Variants in PHF21A observed in about 807,000 individuals in gnomAD.
PHF21A encodes PHD finger protein 21A.
PHF21A carries 11 observed loss-of-function variants against 82.5 expected under a neutral mutation model. The ratio of observed to expected loss-of-function variants is 0.13; its 90% CI spans 0.08 to 0.22. PHF21A has a LOEUF of 0.22. Among genes scored for constraint, PHF21A ranks in the 10% least tolerant of loss-of-function variants. The probability of loss-of-function intolerance (pLI) is 1.00; values close to 1 mark genes in which losing one functional copy is unlikely to be tolerated. For missense variants in PHF21A, 579 were observed against 837.8 expected (o/e 0.69, Z 3.81); for synonymous variants, 297 against 302.8 (o/e 0.98, Z 0.20).
rs923194821 is a variant in PHF21A at position 46,059,421 on chromosome 11, A to AT, written c.153+17332dup. Among the ~76,000 whole-genome samples, 44 of 152,040 alleles carry AT rather than the reference A, an allele frequency of 2.9e-4. No homozygotes were observed. In the East Asian group the frequency reaches 3.5e-3, roughly 12 times the overall value. On this transcript the variant is annotated intron_variant, in intron 6 of 18. Coordinates refer to ENST00000676320, the MANE Select transcript of PHF21A (RefSeq NM_001352027.3). ...AATAATAAGTACAATACCAATCTCA[A>AT]TTTTTTTTATTTATTTATTTTTAAA...
chr11:45,999,745 A>G (rs2095052280), intron 6 of PHF21A, among the ~76,000 whole-genome samples: 1 of 152,258 alleles, frequency 6.6e-6, no homozygotes, highest in South Asian at 2.1e-4. Flanking sequence ...ATGACAAAGC[A>G]CAGAGATGAT....
intron 6 of PHF21A, among the ~76,000 whole-genome samples, chr11:45,993,238 T>C (rs1271834345): frequency 6.6e-6 from 1 of 152,234 alleles, no homozygotes; most frequent in Non-Finnish European, 1.5e-5. Flanking sequence ...TGAAAAATGA[T>C]GGTACTATTT....
chr11:46,049,521 CAGA>C (rs1219777197), intron 6 of PHF21A: 2 of 455,648 alleles, frequency 4.4e-6, no homozygotes, highest in African/African-American at 4.0e-5. Flanking sequence ...AGAAGAAAAA[CAGA>C]AGGTCAGGTA....
chr11:45,980,315 T>G (rs985029895), intron 6 of PHF21A, among the ~76,000 whole-genome samples: 2 of 152,196 alleles, frequency 1.3e-5, no homozygotes, highest in Non-Finnish European at 2.9e-5. Context: ...CCATCCTACT[T>G]CAACTCCAAT....
intron 6 of PHF21A, among the ~76,000 whole-genome samples, chr11:45,986,339 T>G (rs916590403): frequency 5.0e-4 from 76 of 152,290 alleles, no homozygotes; most frequent in African/African-American, 1.7e-3. Context: ...AGACTAATAT[T>G]GATATAGTCA....
At chr11:46,110,180 T>C (rs1323300597) in intron 1 of PHF21A, among the ~76,000 whole-genome samples, 2 of 152,134 alleles carry the variant, frequency 1.3e-5, no homozygotes, top group Non-Finnish European at 2.9e-5. Context: ...CATTCATGAG[T>C]ATTATCTTAT....
chr11:45,942,497 C>T (rs1480352946), intron 15 of PHF21A, among the ~76,000 whole-genome samples: 2 of 152,130 alleles, frequency 1.3e-5, no homozygotes, highest in African/African-American at 4.8e-5. Flanking sequence ...CAATCTTTGG[C>T]GCTAGCAAAC....
At chr11:45,969,474 A>G (rs1019913490) in intron 9 of PHF21A, among the ~76,000 whole-genome samples, 8 of 152,228 alleles carry the variant, frequency 5.3e-5, no homozygotes, top group Non-Finnish European at 1.2e-4. Context: ...TTTGGCATGT[A>G]GGAAAGAAAT....
At chr11:46,019,994 T>TA (rs1209318470) in intron 6 of PHF21A, among the ~76,000 whole-genome samples, 2 of 146,164 alleles carry the variant, frequency 1.4e-5, no homozygotes, top group African/African-American at 5.2e-5. Flanking sequence ...TTTTGACTCT[T>TA]TTTTTTTTTA....
intron 7 of PHF21A, among the ~76,000 whole-genome samples, chr11:45,978,072 C>T (rs753240794): frequency 2.0e-5 from 3 of 151,940 alleles, no homozygotes; most frequent in South Asian, 2.1e-4. Flanking sequence ...GAGGCCGAGG[C>T]GGGCAGACCA....
intron 6 of PHF21A, among the ~76,000 whole-genome samples, chr11:46,075,637 T>C (rs1057496246): frequency 5.3e-5 from 8 of 152,192 alleles, no homozygotes; most frequent in African/African-American, 2.4e-5. Context: ...CTCCTGTCTG[T>C]GGAGAAGACA....
chr11:45,971,905 T>TTTTTTTTTTTTTTTTTTTTA lies in PHF21A; in HGVS notation c.361-539_361-538insTAAAAAAAAAAAAAAAAAAA, dbSNP rs1452859819. On this transcript the variant is annotated intron_variant, in intron 7 of 18. Coordinates refer to ENST00000676320, the MANE Select transcript of PHF21A (RefSeq NM_001352027.3). ...CTTTTTCTTTCTTTTTTTTTTTTTT[T>TTTTTTTTTTTTTTTTTTTTA]ATGGTGTCACCCTGGAGAGAAGGAA... is the stretch of plus-strand genomic sequence containing the variant. Among the ~76,000 whole-genome samples the TTTTTTTTTTTTTTTTTTTTA allele has an allele frequency of 2.4e-4, 22 of 89,928 alleles. 4 individuals are homozygous for TTTTTTTTTTTTTTTTTTTTA. The East Asian group carries it at 6.0e-3, about 24-fold the overall frequency. 59.0% of individuals were successfully genotyped at this position (89,928 alleles called of 152,430 possible). A position where few individuals can be genotyped will look rare whatever the true frequency, so the allele number is the denominator to read the frequency against.
chr11:46,067,338 G>C (rs1220386450), intron 6 of PHF21A, among the ~76,000 whole-genome samples: 1 of 152,074 alleles, frequency 6.6e-6, no homozygotes, highest in Non-Finnish European at 1.5e-5. Flanking sequence ...ATGGGGAGGC[G>C]GGCATGAGTG....
At chr11:45,988,077 A>AAGCCCCTATCATTTTATGGAAC (rs2094557222) in intron 6 of PHF21A, among the ~76,000 whole-genome samples, 1 of 152,190 alleles carries the variant, frequency 6.6e-6, no homozygotes. Context: ...AACAAAACCA[A>AAGCCCCTATCATTTTATGGAAC]AGCCCCTATC....
chr11:46,015,066 T>C (rs1051970241), intron 6 of PHF21A, among the ~76,000 whole-genome samples: 7 of 152,050 alleles, frequency 4.6e-5, no homozygotes, highest in Non-Finnish European at 1.0e-4. Flanking sequence ...GTGGTATCAC[T>C]GTGCTTTTGA....
chr11:46,078,271 C>T (rs1409552187), intron 5 of PHF21A, among the ~76,000 whole-genome samples: 2 of 152,060 alleles, frequency 1.3e-5, no homozygotes, highest in African/African-American at 4.8e-5. Context: ...TTTTTTACTT[C>T]CAAAAATCAA....
At chr11:46,086,868 T>G (rs1318542406) in intron 3 of PHF21A, among the ~76,000 whole-genome samples, 1 of 152,210 alleles carries the variant, frequency 6.6e-6, no homozygotes, top group African/African-American at 2.4e-5. Flanking sequence ...TAATACAGTT[T>G]ATATATTTAG....
intron 10 of PHF21A, among the ~76,000 whole-genome samples, chr11:45,964,554 G>A (rs1217021368): frequency 6.6e-6 from 1 of 152,180 alleles, no homozygotes; most frequent in Admixed American, 6.5e-5. Flanking sequence ...GAAATAGGTC[G>A]ATGACTTTTT....
intron 6 of PHF21A, among the ~76,000 whole-genome samples, chr11:46,032,035 C>T (rs2095876117): frequency 6.6e-6 from 1 of 152,108 alleles, no homozygotes; most frequent in African/African-American, 2.4e-5. Context: ...ACAGTCAAAG[C>T]CCAACTCTTA....
Sources: allele counts gnomAD v4.1 joint callset (sites outside exome capture counted in the v4.1 genomes callset), GRCh38; gene constraint gnomAD v4.1.1; transcripts MANE v1.5; gene names NCBI Gene and HGNC (gene_info 2026-07-23, HGNC 2026-07-21).